SART3: variants seen among roughly 807,000 people sequenced by gnomAD.
SART3 encodes the protein spliceosome associated factor 3, U4/U6 recycling protein, also known as HIV-1 Tat-interacting protein of 110kDa.
A neutral mutation model predicts 122.3 loss-of-function variants in SART3; 44 were observed. The observed-to-expected ratio is 0.36, with a 90% CI of 0.28 to 0.46. The LOEUF (loss-of-function observed/expected upper bound fraction) is 0.46, where lower values mean the gene tolerates loss of function less well. Ranked by LOEUF, SART3 falls within the 20% of genes least tolerant of loss-of-function variation. The pLI, the probability that SART3 is intolerant of heterozygous loss-of-function variation, is 1.00. For missense variants in SART3, 1,101 were observed against 1,229.0 expected (o/e 0.90, Z 1.56); for synonymous variants, 442 against 454.0 (o/e 0.97, Z 0.34).
intron 2 of SART3, among the ~76,000 whole-genome samples, chr12:108,548,534 G>A (rs955881122): frequency 1.3e-5 from 2 of 152,210 alleles, no homozygotes; most frequent in Non-Finnish European, 2.9e-5. Context: ...GTTATGCTTT[G>A]CAGAAGGGAA....
At chr12:108,524,686 C>T in intron 17 of SART3, 180 bp from the exon 18 acceptor site, 1 of 643,000 alleles carries the variant, frequency 1.6e-6, no homozygotes, top group Non-Finnish European at 2.8e-6. Flanking sequence ...ATTTCCCCAC[C>T]CTACTCTCCT....
intron 1 of SART3, among the ~76,000 whole-genome samples, chr12:108,559,564 C>T (rs576220500): frequency 3.9e-4 from 58 of 148,104 alleles, no homozygotes; most frequent in African/African-American, 1.3e-3. Flanking sequence ...ACTGGGGAGG[C>T]TGAGGCAGGA....
Position 108,531,294 on chromosome 12 carries a change from G to C in SART3, c.1670-14C>G, listed in dbSNP as rs764149998. The C allele has an allele frequency of 6.2e-6, 10 of 1,606,162 alleles. No individual in the cohort carries two copies. The highest frequency in any genetic ancestry group is 8.5e-6 in the Non-Finnish European group (10 of 1,173,010). On this transcript the variant is annotated splice_polypyrimidine_tract_variant and intron_variant, in intron 13 of 18. Transcript: ENST00000546815. ...CTTCTAAAGAACCTTGAAAGAAAGA[G>C]AAGCAAAACTTTCACTCTTTAGGAT...
intron 6 of SART3, among the ~76,000 whole-genome samples, chr12:108,541,997 GCTTTTTTT>G (rs1873187978): frequency 8.5e-6 from 1 of 117,274 alleles, no homozygotes; most frequent in Non-Finnish European, 1.7e-5. Flanking sequence ...ACCAAGCCCG[GCTTTTTTT>G]TTTTTTTTTT....
chr12:108,531,076 A>G, intron 14 of SART3, 128 bp downstream of exon 14: 1 of 709,644 alleles, frequency 1.4e-6, no homozygotes, highest in Non-Finnish European at 2.5e-6. Flanking sequence ...ATTGATCTAA[A>G]TATTTTATAA....
chr12:108,549,351 C>T lies in SART3; in HGVS notation c.313-137G>A. 3.5e-6 allele frequency: 3 copies of T among 856,454 alleles called. No homozygotes were observed. In the South Asian group the frequency reaches 4.3e-5, roughly 12 times the overall value. 53.1% of individuals were successfully genotyped at this position (856,454 alleles called of 1,614,324 possible). On this transcript the variant is annotated intron_variant, in intron 1 of 18. Coordinates refer to ENST00000546815, the MANE Select transcript of SART3 (RefSeq NM_014706.4). Reference sequence around the variant, plus strand: ...TCTGAGAAAACCACTGAAACAGCAACCCAGCACGTACCCACAGGTAGAAGA... The same window carrying T: ...TCTGAGAAAACCACTGAAACAGCAATCCAGCACGTACCCACAGGTAGAAGA...
intron 2 of SART3, 50 bp from the exon 3 acceptor site, chr12:108,548,041 G>T: frequency 6.7e-7 from 1 of 1,489,756 alleles, no homozygotes. Flanking sequence ...TAGGCTAAGC[G>T]CAGGGACTTT....
rs372012268 is a variant in SART3 at position 108,537,479 on chromosome 12, C to A, written c.1309+9G>T. Reference sequence around the variant, plus strand: ...TCAGCTCTAAAGTGAAAAACATGTGCTTAAATACCTTGTTTGAAATCAACC... The same window carrying A: ...TCAGCTCTAAAGTGAAAAACATGTGATTAAATACCTTGTTTGAAATCAACC... On this transcript the variant is annotated intron_variant, in intron 9 of 18. Coordinates refer to ENST00000546815, the MANE Select transcript of SART3 (RefSeq NM_014706.4). 2 of 1,604,238 alleles carry A rather than the reference C, an allele frequency of 1.2e-6. No individual in the cohort carries two copies. Among genetic ancestry groups the A allele is most frequent in the African/African-American group, 2.7e-5 (2 of 74,754 alleles).
At chr12:108,546,433 T>C (rs1025814281) in intron 3 of SART3, among the ~76,000 whole-genome samples, 2 of 151,894 alleles carry the variant, frequency 1.3e-5, no homozygotes, top group Non-Finnish European at 2.9e-5. Flanking sequence ...TCTCCTGAAC[T>C]CGTGATATAC....
At chr12:108,560,761 A>C in intron 1 of SART3, 82 bp downstream of exon 1, 5 of 1,274,294 alleles carry the variant, frequency 3.9e-6, no homozygotes, top group South Asian at 1.5e-5. Context: ...ATCGCCGCCG[A>C]GGACTAGGGA....
At chr12:108,551,998 A>G (rs2136692042) in intron 1 of SART3, among the ~76,000 whole-genome samples, 1 of 152,338 alleles carries the variant, frequency 6.6e-6, no homozygotes. Context: ...GAAGAATTAT[A>G]CACCATGACC....
At chr12:108,555,493 CG>C (rs952971385) in intron 1 of SART3, among the ~76,000 whole-genome samples, 1 of 152,092 alleles carries the variant, frequency 6.6e-6, no homozygotes, top group Admixed American at 6.6e-5. Flanking sequence ...GGCAAAACCC[CG>C]TCTCTACAAA....
Position 108,559,785 on chromosome 12 carries a change from G to A in SART3, c.312+1058C>T, listed in dbSNP as rs968706539. On this transcript the variant is annotated intron_variant, in intron 1 of 18. Transcript: ENST00000546815. The stretch of plus-strand genomic sequence containing the variant: ...CCCCGAGTATAGACCTCATGCACAG[G>A]TTTCCTGGCTCTCCAGCTTCCAGAT... 1.2e-4 allele frequency among the ~76,000 whole-genome samples: 18 copies of A among 151,900 alleles called. 1 individual carries two copies. Among genetic ancestry groups the A allele is most frequent in the African/African-American group, 4.4e-4 (18 of 41,364 alleles).
chr12:108,527,277 A>C (rs778713397), intron 15 of SART3, among the ~76,000 whole-genome samples: 10 of 152,060 alleles, frequency 6.6e-5, no homozygotes, highest in Non-Finnish European at 1.0e-4. Flanking sequence ...ACCCCTCTCT[A>C]ATGCATCTGA....
chr12:108,537,822 G>A (rs1481539873), intron 8 of SART3: 5 of 668,924 alleles, frequency 7.5e-6, no homozygotes, highest in African/African-American at 1.8e-5. Flanking sequence ...AAAAGTTCCA[G>A]ATCAAGGAAG....
chr12:108,524,240 G>T (rs1224436383), intron 18 of SART3, 76 bp downstream of exon 18: 1 of 1,236,208 alleles, frequency 8.1e-7, no homozygotes, highest in Non-Finnish European at 1.2e-6. Context: ...ATTCATCCCG[G>T]GTTAATCCCC....
intron 6 of SART3, among the ~76,000 whole-genome samples, chr12:108,540,424 A>G (rs1340297330): frequency 6.6e-6 from 1 of 152,204 alleles, no homozygotes; most frequent in Non-Finnish European, 1.5e-5. Context: ...TCTAAAGGTC[A>G]AGTGTTGAAG....
intron 15 of SART3, 77 bp downstream of exon 15, chr12:108,530,065 G>T (rs890131570): frequency 2.0e-6 from 3 of 1,531,754 alleles, no homozygotes; most frequent in South Asian, 1.1e-5. Context: ...GTTCAGGGAA[G>T]AAAGTTCTTC....
chr12:108,532,359 T>C (rs746726541), intron 12 of SART3, 25 bp from the exon 13 acceptor site: 2 of 1,606,032 alleles, frequency 1.2e-6, no homozygotes, highest in Non-Finnish European at 1.7e-6. Context: ...AAAAAGTTGC[T>C]GCCACCAGGA....
Sources: gnomAD v4.1 joint callset for allele counts (sites outside exome capture counted in the v4.1 genomes callset) on GRCh38, gnomAD v4.1.1 for gene constraint, MANE v1.5 for transcripts, NCBI Gene and HGNC (gene_info 2026-07-23, HGNC 2026-07-21) for gene names.